Variants in LTN1 observed in about 807,000 individuals in gnomAD.
The protein encoded by LTN1 is listerin E3 ubiquitin protein ligase 1.
LTN1 carries 88 observed loss-of-function variants against 201.2 expected under a neutral mutation model. That is an observed-to-expected ratio of 0.44 (90% confidence interval 0.37 to 0.52). The LOEUF (loss-of-function observed/expected upper bound fraction) is 0.52. Ranked by LOEUF, LTN1 falls within the 20% of genes least tolerant of loss-of-function variation. The probability of loss-of-function intolerance (pLI) is 0.00; values close to 1 mark genes in which losing one functional copy is unlikely to be tolerated. For missense variants in LTN1, 1,752 were observed against 2,038.7 expected, an observed-to-expected ratio of 0.86 and a Z score of 2.71; for synonymous variants, 645 against 713.5, an observed-to-expected ratio of 0.90 and a Z score of 1.53.
At chr21:28,982,168 G>A in intron 5 of LTN1, 148 bp downstream of exon 5, 5 of 623,468 alleles carry the variant, frequency 8.0e-6, no homozygotes, top group Non-Finnish European at 1.4e-5. Flanking sequence ...AGTGAGCTGA[G>A]ACTGCGCCAC....
intron 6 of LTN1, among the ~76,000 whole-genome samples, chr21:28,973,978 C>T (rs991172464): frequency 5.9e-5 from 9 of 152,090 alleles, no homozygotes; most frequent in African/African-American, 1.4e-4. Context: ...TTGACTCTCA[C>T]CTTCAGTTTA....
At chr21:28,987,775 AACCC>A (rs1226798308) in intron 1 of LTN1, among the ~76,000 whole-genome samples, 4 of 152,336 alleles carry the variant, frequency 2.6e-5, no homozygotes, top group Admixed American at 2.6e-4. Context: ...CTGACATCAC[AACCC>A]ATCTAAAGTC....
At chr21:28,961,250 T>C (rs1034009235) in intron 11 of LTN1, 6 of 152,360 alleles carry the variant, frequency 3.9e-5, no homozygotes, top group African/African-American at 1.4e-4. Flanking sequence ...ATAAATGCTC[T>C]ATAAATTTTT....
chr21:28,972,109 A>C (rs1317241481), intron 6 of LTN1, among the ~76,000 whole-genome samples: 1 of 152,092 alleles, frequency 6.6e-6, no homozygotes, highest in Non-Finnish European at 1.5e-5. Context: ...CATGAATAGG[A>C]TCAGAGGGCC....
Position 28,986,952 on chromosome 21 carries a change from G to A in LTN1, c.43-18C>T. On this transcript the variant is annotated intron_variant, in intron 1 of 29. Coordinates refer to ENST00000361371, the MANE Select transcript of LTN1 (RefSeq NM_015565.3). The surrounding 1 kb of genome is among the most constrained non-coding windows in gnomAD (Gnocchi z 4.1). ...TTTGAAGGCTGATAAGAAAATTACG[G>A]AGAAAAAAGTCAGAGTCCAGGAAGG... is the stretch of plus-strand genomic sequence containing the variant. 6.3e-7 allele frequency: 1 copy of A among 1,592,982 alleles called. No homozygotes were observed. Among genetic ancestry groups the A allele is most frequent in the Non-Finnish European group, 8.6e-7 (1 of 1,161,472 alleles).
chr21:28,930,170 A>G lies in LTN1; in HGVS notation c.*278T>C. On this transcript the variant is annotated 3_prime_UTR_variant, in exon 30 of 30. Coordinates refer to ENST00000361371, the MANE Select transcript of LTN1 (RefSeq NM_015565.3). ...TGTAATTTAGGGGTTTTTCATATTT[A>G]TTTTTAAATATACAAAGAAATTAAA... 3.8e-6 allele frequency: 1 copy of G among 264,804 alleles called. No homozygotes were observed. Among genetic ancestry groups the G allele is most frequent in the Admixed American group, 5.3e-5 (1 of 18,810 alleles). 16.4% of individuals were successfully genotyped at this position (264,804 alleles called of 1,614,324 possible).
intron 6 of LTN1, among the ~76,000 whole-genome samples, chr21:28,980,848 T>A (rs765478587): frequency 6.6e-6 from 1 of 152,042 alleles, no homozygotes; most frequent in Non-Finnish European, 1.5e-5. Flanking sequence ...ATTAATTAAA[T>A]GAGAAGAGAC....
rs1209189017 is a variant in LTN1, at chr21:28,958,582, T to C, written c.2594-43A>G. Reference sequence around the variant, plus strand: ...ACAGGAATTTGTAATCTCACTGAATTAACTCTCATCAGCACAAAATGTTTG... The same window carrying C: ...ACAGGAATTTGTAATCTCACTGAATCAACTCTCATCAGCACAAAATGTTTG... On this transcript the variant is annotated intron_variant, in intron 13 of 29. Coordinates refer to ENST00000361371, the MANE Select transcript of LTN1 (RefSeq NM_015565.3). 21 of 1,421,090 alleles carry C rather than the reference T, an allele frequency of 1.5e-5. No individual in the cohort carries two copies. The Admixed American group carries it at 4.2e-4, about 28-fold the overall frequency. 88.0% of individuals were successfully genotyped at this position (1,421,090 alleles called of 1,614,324 possible). A position where few individuals can be genotyped will look rare whatever the true frequency, so the allele number is the denominator to read the frequency against.
chr21:28,937,789 TA>T (rs2084267756), intron 25 of LTN1, among the ~76,000 whole-genome samples: 1 of 151,974 alleles, frequency 6.6e-6, no homozygotes, highest in Non-Finnish European at 1.5e-5. Context: ...CCAGTAAGTG[TA>T]ACAAAAATAT....
intron 16 of LTN1, among the ~76,000 whole-genome samples, chr21:28,954,875 G>C (rs529993453): frequency 2.0e-4 from 30 of 152,258 alleles, no homozygotes; most frequent in African/African-American, 7.0e-4. Context: ...CATTGGTCTA[G>C]GCAAATATTT....
At chr21:28,939,323 A>G (rs1209662532) in intron 25 of LTN1, among the ~76,000 whole-genome samples, 1 of 152,200 alleles carries the variant, frequency 6.6e-6, no homozygotes, top group Non-Finnish European at 1.5e-5. Flanking sequence ...TCCCCAGCAG[A>G]TATCAAGGGA....
intron 16 of LTN1, among the ~76,000 whole-genome samples, chr21:28,955,366 A>G (rs1281994818): frequency 2.0e-5 from 3 of 151,956 alleles, no homozygotes; most frequent in Non-Finnish European, 4.4e-5. Context: ...CTTATATACT[A>G]TTGGTAGGAA....
intron 1 of LTN1, 120 bp downstream of exon 1, chr21:28,992,644 T>C: frequency 9.2e-7 from 1 of 1,082,814 alleles, no homozygotes; most frequent in East Asian, 2.5e-5. Context: ...GAGGTCACAC[T>C]CGACAGGGAA....
At chr21:28,984,977 A>G (rs1410289112) in intron 3 of LTN1, 55 bp from the exon 4 acceptor site, 1 of 1,303,546 alleles carries the variant, frequency 7.7e-7, no homozygotes, top group Non-Finnish European at 1.1e-6. Context: ...AAACAATCAC[A>G]GACATTTCCG....
Position 28,986,531 on chromosome 21 carries a change from A to G in LTN1, c.246+200T>C, listed in dbSNP as rs1423395743. 9.1e-6 allele frequency: 6 copies of G among 656,490 alleles called. No homozygotes were observed. The highest frequency in any genetic ancestry group is 1.3e-5 in the Non-Finnish European group (5 of 378,016). 40.7% of individuals were successfully genotyped at this position (656,490 alleles called of 1,614,324 possible). ...CAGCCAAAATTCCAAAGCACTTTAA[A>G]AAAGTTCACTGTAACAAACTAATTT... is the stretch of plus-strand genomic sequence containing the variant. On this transcript the variant is annotated intron_variant, in intron 2 of 29. Coordinates refer to ENST00000361371, the MANE Select transcript of LTN1 (RefSeq NM_015565.3). The surrounding 1 kb of genome is among the most constrained non-coding windows in gnomAD (Gnocchi z 4.1).
rs755235733 is a variant in LTN1 at position 28,981,158 on chromosome 21, C to T, written c.771G>A (p.Gln257=). The change falls in exon 6 of 30, where the codon CAG becomes CAA. Residue 257 remains glutamine (Q), a synonymous_variant. Transcript: ENST00000361371. ...GTTTTCCATACTTCCAAAACTTATT[C>T]TGTGATAAAAGAGACTTAAATTTCT... is the stretch of plus-strand genomic sequence containing the variant. ...LEEKFKSLLS[Q]NKFWKYGKHS... is the part of the protein sequence containing the mutation. 1.3e-6 allele frequency: 2 copies of T among 1,585,014 alleles called. No individual in the cohort carries two copies. The highest frequency in any genetic ancestry group is 1.7e-6 in the Non-Finnish European group (2 of 1,171,666).
At chr21:28,952,345 CT>C in intron 17 of LTN1, 81 bp from the exon 18 acceptor site, 2 of 802,146 alleles carry the variant, frequency 2.5e-6, no homozygotes, top group Admixed American at 2.6e-5. Flanking sequence ...AGCTGGATTC[CT>C]TTTACAGAAT....
chr21:28,941,161 G>C lies in LTN1; in HGVS notation c.4482+59C>G, dbSNP rs2084294120. 21 of 1,155,142 alleles carry C rather than the reference G, an allele frequency of 1.8e-5. No individual in the cohort carries two copies. In the East Asian group the frequency reaches 5.1e-4, roughly 28 times the overall value. The allele number at this position is 1,155,142 out of a possible 1,614,324, so 71.6% of individuals were successfully genotyped here. A position where few individuals can be genotyped will look rare whatever the true frequency, so the allele number is the denominator to read the frequency against. On this transcript the variant is annotated intron_variant, in intron 25 of 29. Transcript: ENST00000361371. ...TATTAAACTGAAAGGAAGGTATTTA[G>C]AACAGTATCAGAAGCATATTAGGAC...
intron 25 of LTN1, among the ~76,000 whole-genome samples, chr21:28,937,507 T>C (rs1568832848): frequency 1.3e-5 from 2 of 152,214 alleles, no homozygotes; most frequent in African/African-American, 4.8e-5. Flanking sequence ...CTCAAGCATT[T>C]ATCCTTTCTT....
Sources: gnomAD v4.1 joint callset for allele counts (sites outside exome capture counted in the v4.1 genomes callset) on GRCh38, gnomAD v4.1.1 for gene constraint, Gnocchi (gnomAD v3.1) non-coding constraint, MANE v1.5 for transcripts, NCBI Gene and HGNC (gene_info 2026-07-23, HGNC 2026-07-21) for gene names.